PFKFB1: variants seen among roughly 807,000 people sequenced by gnomAD.
PFKFB1 encodes 6-phosphofructo-2-kinase/fructose-2,6-biphosphatase 1.
PFKFB1 carries 34 observed loss-of-function variants against 46.4 expected under a neutral mutation model. The observed-to-expected ratio is 0.73, with a 90% CI of 0.56 to 0.98. The LOEUF is 0.98. Ranked by LOEUF, PFKFB1 falls within the 50% of genes least tolerant of loss-of-function variation. The pLI is 0.00. For synonymous variants in PFKFB1, 119 were observed against 133.8 expected (o/e 0.89, Z 0.76); for missense variants, 393 against 376.3 (o/e 1.04, Z -0.37).
chrX:54,934,946 C>T lies in PFKFB1; in HGVS notation c.1291+1G>A, dbSNP rs762751796. On this transcript the variant is annotated splice_donor_variant, in intron 12 of 13. Coordinates refer to ENST00000375006, the MANE Select transcript of PFKFB1 (RefSeq NM_002625.4). LOFTEE classifies it high-confidence loss of function. ...CCTTTGATCAGGGTGGGAGTACTTA[C>T]CATAAGCCACAGGAGTGAGTTTGAG... 10 of 1,199,287 alleles carry T rather than the reference C, an allele frequency of 8.3e-6. No individual in the cohort carries two copies. The highest frequency in any genetic ancestry group is 4.5e-6 in the Non-Finnish European group (4 of 884,500).
chrX:54,959,686 A>AG (rs1230954558), intron 4 of PFKFB1, 141 bp downstream of exon 4: 2 of 457,845 alleles, frequency 4.4e-6, no homozygotes, highest in Non-Finnish European at 7.7e-6. Flanking sequence ...ACCTATCTCA[A>AG]GGGGGGAGCA....
At chrX:54,960,326 T>C (rs1934273210) in intron 3 of PFKFB1, among the ~76,000 whole-genome samples, 1 of 112,524 alleles carries the variant, frequency 8.9e-6, no homozygotes, top group African/African-American at 3.2e-5. Context: ...AAAATCTCTT[T>C]AGTGATTACT....
chrX:54,941,682 A>T (rs1933639311), intron 10 of PFKFB1, among the ~76,000 whole-genome samples: 1 of 112,179 alleles, frequency 8.9e-6, no homozygotes, highest in Admixed American at 9.4e-5. Flanking sequence ...GCAAATCAAA[A>T]CCACAATGAG....
chrX:54,980,537 G>T (rs1455900747), intron 1 of PFKFB1, among the ~76,000 whole-genome samples: 1 of 110,621 alleles, frequency 9.0e-6, no homozygotes, highest in Non-Finnish European at 1.9e-5. Flanking sequence ...CCAGACAAAG[G>T]TGACGTAATC....
rs1315413488 is a variant in PFKFB1 at position 54,939,457 on chromosome X, GT to G, written c.1099-1734del. ...CAAAAAATCAATGAATCCAGGAGCT[GT>G]TTTTTTGAAAAGATCAACAAAATTG... is the stretch of plus-strand genomic sequence containing the variant. On this transcript the variant is annotated intron_variant, in intron 10 of 13. Coordinates refer to ENST00000375006, the MANE Select transcript of PFKFB1 (RefSeq NM_002625.4). 1.9e-4 allele frequency among the ~76,000 whole-genome samples: 21 copies of G among 111,622 alleles called. 1 individual carries two copies. Among genetic ancestry groups the G allele is most frequent in the South Asian group, 1.9e-3 (5 of 2,665 alleles).
chrX:54,987,138 G>T (rs1935132379), intron 1 of PFKFB1, among the ~76,000 whole-genome samples: 1 of 110,954 alleles, frequency 9.0e-6, no homozygotes, highest in African/African-American at 3.3e-5. Context: ...AAAATAAAAA[G>T]AATTATAAGG....
chrX:54,937,499 ACTCTT>A (rs1370600660), intron 11 of PFKFB1, 91 bp downstream of exon 11: 12 of 797,204 alleles, frequency 1.5e-5, no homozygotes, highest in African/African-American at 8.1e-5. Flanking sequence ...TGTTCTAGAT[ACTCTT>A]CTCTTAACTA....
At chrX:54,992,075 T>C (rs1397382896) in intron 1 of PFKFB1, among the ~76,000 whole-genome samples, 2 of 111,365 alleles carry the variant, frequency 1.8e-5, no homozygotes, top group African/African-American at 6.6e-5. Flanking sequence ...TTTGCATCTA[T>C]GGTCTGATAA....
At chrX:54,997,130 C>T (rs780176900), upstream of PFKFB1, among the ~76,000 whole-genome samples, 41 of 111,772 alleles carry the variant, frequency 3.7e-4, no homozygotes, top group Non-Finnish European at 5.6e-4. Flanking sequence ...ATCTCTCTGC[C>T]CTAGATGAGA....
At position 54,958,866 on chromosome X, in the gene PFKFB1, T is replaced by C. The variant is rs754304705; in HGVS notation, c.444A>G (p.Lys148=). Residue 148 remains lysine, a synonymous_variant, in exon 5 of 14, where the codon AAA becomes AAG. Coordinates refer to ENST00000375006, the MANE Select transcript of PFKFB1 (RefSeq NM_002625.4). ...GTTACCATACCTTGTAACCATGTTC[T>C]TTTGCAAACTGCAGGATCAGTGACC... ...ERRSLILQFA[K]EHGYKVFFIE... is the part of the protein sequence containing the mutation. 1 of 1,188,921 alleles carries C rather than the reference T, an allele frequency of 8.4e-7. No individual in the cohort carries two copies.
chrX:54,982,456 G>A (rs779963836), intron 1 of PFKFB1, among the ~76,000 whole-genome samples: 1 of 111,645 alleles, frequency 9.0e-6, no homozygotes, highest in Non-Finnish European at 1.9e-5. Flanking sequence ...TTCCACATCT[G>A]CAGATTCAAC....
intron 10 of PFKFB1, among the ~76,000 whole-genome samples, chrX:54,938,702 A>G (rs1347531457): frequency 8.9e-6 from 1 of 111,835 alleles, no homozygotes; most frequent in Non-Finnish European, 1.9e-5. Flanking sequence ...TATCCTAAAT[A>G]TATATGCACC....
At chrX:54,983,833 T>C (rs1394073604) in intron 1 of PFKFB1, among the ~76,000 whole-genome samples, 1 of 111,671 alleles carries the variant, frequency 9.0e-6, no homozygotes, top group African/African-American at 3.3e-5. Context: ...GTATCTGTTA[T>C]TTTTTGACTT....
chrX:54,975,732 A>G (rs1034815997), intron 1 of PFKFB1, among the ~76,000 whole-genome samples: 2 of 111,905 alleles, frequency 1.8e-5, no homozygotes, highest in Non-Finnish European at 3.8e-5. Flanking sequence ...GGTATTGGAA[A>G]AAGGATAGCA....
At chrX:54,940,839 G>A (rs1933600375) in intron 10 of PFKFB1, among the ~76,000 whole-genome samples, 1 of 111,612 alleles carries the variant, frequency 9.0e-6, no homozygotes, top group African/African-American at 3.3e-5. Flanking sequence ...TAGATTCAAT[G>A]CCATCCCCAT....
upstream of PFKFB1, among the ~76,000 whole-genome samples, chrX:54,996,260 CT>C (rs1433949703): frequency 1.9e-4 from 21 of 112,086 alleles, no homozygotes; most frequent in Admixed American, 1.9e-3. Flanking sequence ...AATTATAACC[CT>C]TTCCCTGTAT....
At chrX:54,949,023 T>A in intron 9 of PFKFB1, 52 bp downstream of exon 9, 1 of 1,184,200 alleles carries the variant, frequency 8.4e-7, no homozygotes, top group Admixed American at 2.2e-5. Flanking sequence ...CAGGGGATAA[T>A]CCCAGACTCA....
chrX:54,940,280 G>A (rs368921418), intron 10 of PFKFB1, among the ~76,000 whole-genome samples: 2 of 111,450 alleles, frequency 1.8e-5, no homozygotes, highest in African/African-American at 6.5e-5. Flanking sequence ...CCCACAGCCA[G>A]TATCATACTG....
intron 10 of PFKFB1, among the ~76,000 whole-genome samples, chrX:54,941,654 A>G (rs1233584852): frequency 3.6e-5 from 4 of 112,416 alleles, no homozygotes; most frequent in Non-Finnish European, 5.6e-5. Context: ...GCTCATCATC[A>G]CTGGCCATCA....
Sources: gnomAD v4.1 joint callset for allele counts (sites outside exome capture counted in the v4.1 genomes callset) on GRCh38, gnomAD v4.1.1 for gene constraint, MANE v1.5 for transcripts, NCBI Gene and HGNC (gene_info 2026-07-23, HGNC 2026-07-21) for gene names.